SNAP91: variants seen among roughly 807,000 people sequenced by gnomAD.
The protein encoded by SNAP91 is clathrin coat assembly protein AP180.
SNAP91 carries 27 observed loss-of-function variants against 100.3 expected under a neutral mutation model. The ratio of observed to expected loss-of-function variants is 0.27; its 90% CI spans 0.20 to 0.37. The LOEUF (loss-of-function observed/expected upper bound fraction) is 0.37, where lower values mean the gene tolerates loss of function less well. Ranked by LOEUF, SNAP91 falls within the 10% of genes least tolerant of loss-of-function variation. The probability of loss-of-function intolerance (pLI) is 1.00; values close to 1 mark genes in which losing one functional copy is unlikely to be tolerated. For synonymous variants in SNAP91, 404 were observed against 398.6 expected, an observed-to-expected ratio of 1.01 and a Z score of -0.16; for missense variants, 986 against 1,123.7, an observed-to-expected ratio of 0.88 and a Z score of 1.75.
At chr6:83,580,815 C>G (rs979211049) in intron 23 of SNAP91, among the ~76,000 whole-genome samples, 1 of 152,014 alleles carries the variant, frequency 6.6e-6, no homozygotes, top group Non-Finnish European at 1.5e-5. Flanking sequence ...TGAACATGAA[C>G]AAGGATGGAA....
At chr6:83,645,166 C>T (rs1199212531) in intron 7 of SNAP91, among the ~76,000 whole-genome samples, 1 of 152,054 alleles carries the variant, frequency 6.6e-6, no homozygotes, top group Non-Finnish European at 1.5e-5. Context: ...TTGAACACTG[C>T]TTAAAGTACT....
intron 9 of SNAP91, among the ~76,000 whole-genome samples, chr6:83,621,977 AAC>A (rs1167568149): frequency 6.6e-6 from 1 of 152,196 alleles, no homozygotes; most frequent in East Asian, 1.9e-4. Context: ...TTTAAATGAA[AAC>A]ACACTTATTT....
intron 2 of SNAP91, among the ~76,000 whole-genome samples, chr6:83,671,733 A>G (rs2098789915): frequency 1.3e-5 from 2 of 152,150 alleles, no homozygotes; most frequent in South Asian, 4.1e-4. Flanking sequence ...AGATATAAGT[A>G]ATTGTTCACT....
At chr6:83,701,335 C>T (rs1198876890) in intron 2 of SNAP91, among the ~76,000 whole-genome samples, 2 of 152,014 alleles carry the variant, frequency 1.3e-5, no homozygotes, top group Non-Finnish European at 1.5e-5. Flanking sequence ...ATAAAAAATG[C>T]TAAGCCTAGG....
At chr6:83,571,497 G>A (rs1435237743) in intron 26 of SNAP91, among the ~76,000 whole-genome samples, 1 of 152,172 alleles carries the variant, frequency 6.6e-6, no homozygotes, top group Non-Finnish European at 1.5e-5. Flanking sequence ...TCTCCCACTG[G>A]ATTTTGGACT....
At chr6:83,637,352 G>C (rs533544895) in intron 8 of SNAP91, among the ~76,000 whole-genome samples, 52 of 152,348 alleles carry the variant, frequency 3.4e-4, no homozygotes, top group Middle Eastern at 6.8e-3. Flanking sequence ...CACTGTGCTT[G>C]TGAGAGTCAG....
At chr6:83,655,855 G>A (rs182322752) in intron 7 of SNAP91, among the ~76,000 whole-genome samples, 86 of 152,194 alleles carry the variant, frequency 5.7e-4, no homozygotes, top group African/African-American at 2.0e-3. Flanking sequence ...TATACCCATG[G>A]ACTCTGGGGG....
chr6:83,601,380 T>G lies in SNAP91; in HGVS notation c.1215A>C (p.Ala405=). 6.2e-7 allele frequency: 1 copy of G among 1,613,542 alleles called. No individual in the cohort carries two copies. The highest frequency in any genetic ancestry group is 8.5e-7 in the Non-Finnish European group (1 of 1,179,760). Residue 405 remains alanine (A), a synonymous_variant, in exon 16 of 30, where the codon GCA becomes GCC. Transcript: ENST00000369694. ...TTGTAGTAGGAGGGGTAGGTTCTGG[T>G]GCAAATGGATCTGAAATCTGTGCTT... ...PSEAQISDPF[A]PEPTPPTTTA... is the part of the protein sequence containing the mutation.
intron 2 of SNAP91, chr6:83,678,960 A>G (rs2098949141): frequency 1.0e-6 from 1 of 972,264 alleles, no homozygotes; most frequent in Admixed American, 4.7e-5. Flanking sequence ...AAAAAAAAAA[A>G]TACAGCTGGC....
chr6:83,592,170 T>G (rs796713894), intron 21 of SNAP91, among the ~76,000 whole-genome samples: 5 of 152,250 alleles, frequency 3.3e-5, no homozygotes, highest in African/African-American at 9.6e-5. Context: ...TGAAGGAAAT[T>G]CCAGTCAGGT....
intron 22 of SNAP91, 149 bp from the exon 23 acceptor site, chr6:83,582,505 A>G (rs1250293732): frequency 6.4e-6 from 5 of 781,724 alleles, no homozygotes; most frequent in Non-Finnish European, 9.7e-6. Flanking sequence ...CATTTCTGAA[A>G]AGTTGTTCAA....
intron 10 of SNAP91, among the ~76,000 whole-genome samples, chr6:83,616,112 GT>G (rs1012842510): frequency 3.9e-4 from 59 of 152,046 alleles, no homozygotes; most frequent in African/African-American, 1.4e-3. Context: ...AATCATACAT[GT>G]AAAAAAAGAA....
chr6:83,598,159 T>A (rs1583061769), intron 16 of SNAP91, among the ~76,000 whole-genome samples: 1 of 152,332 alleles, frequency 6.6e-6, no homozygotes, highest in East Asian at 1.9e-4. Context: ...TGCATCAGTA[T>A]AAAAATAGGT....
intron 22 of SNAP91, among the ~76,000 whole-genome samples, chr6:83,586,810 C>G (rs556906495): frequency 2.6e-5 from 4 of 152,098 alleles, no homozygotes; most frequent in South Asian, 4.2e-4. Flanking sequence ...TGCTTCCCCC[C>G]ACCCCCATTA....
At chr6:83,607,664 T>C in intron 13 of SNAP91, 35 bp downstream of exon 13, 6 of 1,304,762 alleles carry the variant, frequency 4.6e-6, no homozygotes, top group Non-Finnish European at 6.4e-6. Context: ...TAATAAAATA[T>C]TAATAAACAG....
intron 2 of SNAP91, 148 bp from the exon 3 acceptor site, chr6:83,665,729 G>A: frequency 1.6e-6 from 1 of 611,872 alleles, no homozygotes; most frequent in East Asian, 3.0e-5. Flanking sequence ...AAATTAAACT[G>A]TAATATTTTA....
intron 2 of SNAP91, among the ~76,000 whole-genome samples, chr6:83,674,361 G>A (rs558248594): frequency 6.6e-6 from 1 of 152,198 alleles, no homozygotes; most frequent in Admixed American, 6.5e-5. Context: ...TTGAACCAGG[G>A]AGGCAGAGGT....
At chr6:83,602,205 G>C (rs2095299782) in intron 14 of SNAP91, among the ~76,000 whole-genome samples, 1 of 152,094 alleles carries the variant, frequency 6.6e-6, no homozygotes, top group Non-Finnish European at 1.5e-5. Context: ...TTCATCACCA[G>C]CCTGTAGAAA....
chr6:83,690,134 G>T, intron 2 of SNAP91: 1 of 288,084 alleles, frequency 3.5e-6, no homozygotes, highest in Non-Finnish European at 5.4e-6. Flanking sequence ...ATAAAAGTGA[G>T]CATCACATTT....
Sources: allele counts gnomAD v4.1 joint callset (sites outside exome capture counted in the v4.1 genomes callset), GRCh38; gene constraint gnomAD v4.1.1; transcripts MANE v1.5; gene names NCBI Gene and HGNC (gene_info 2026-07-23, HGNC 2026-07-21).